Variants in ONECUT2 observed in about 807,000 individuals in gnomAD.
The protein encoded by ONECUT2 is one cut homeobox 2.
A neutral mutation model predicts 27.9 loss-of-function variants in ONECUT2; 10 were observed. That is an observed-to-expected ratio of 0.36 (90% confidence interval 0.22 to 0.61). The LOEUF (loss-of-function observed/expected upper bound fraction) is 0.61. ONECUT2 is among the 20% of genes least tolerant of loss of function. The pLI is 0.73. For synonymous variants in ONECUT2, 334 were observed against 315.1 expected, an observed-to-expected ratio of 1.06 and a Z score of -0.64; for missense variants, 686 against 721.0, an observed-to-expected ratio of 0.95 and a Z score of 0.56.
chr18:57,443,543 T>C (rs1272539445), intron 1 of ONECUT2, among the ~76,000 whole-genome samples: 1 of 152,184 alleles, frequency 6.6e-6, no homozygotes, highest in East Asian at 1.9e-4. Flanking sequence ...CACCCAGGCT[T>C]TTTCCCTAAC....
chr18:57,484,673 T>A lies in ONECUT2; in HGVS notation c.*7950T>A, dbSNP rs2050430352. ...GCCAATTACTGAACCACAGAAGCTC[T>A]GACCATTGAGTAGTTGAGCTGGAAG... On this transcript the variant is annotated 3_prime_UTR_variant, in exon 2 of 2. Transcript: ENST00000491143. 6.6e-6 allele frequency: 1 copy of A among 152,260 alleles called. No homozygotes were observed. Among genetic ancestry groups the A allele is most frequent in the Admixed American group, 6.5e-5 (1 of 15,280 alleles). The allele number at this position is 152,260 out of a possible 1,614,324, so 9.4% of individuals were successfully genotyped here.
intron 1 of ONECUT2, among the ~76,000 whole-genome samples, chr18:57,455,829 G>A (rs1006090551): frequency 5.9e-5 from 9 of 152,126 alleles, no homozygotes; most frequent in Non-Finnish European, 1.0e-4. Context: ...GGAGTTCAGG[G>A]ATTTGAACAT....
At chr18:57,462,756 A>G (rs1361961191) in intron 1 of ONECUT2, among the ~76,000 whole-genome samples, 3 of 88,426 alleles carry the variant, frequency 3.4e-5, no homozygotes, top group South Asian at 3.9e-4. Context: ...TTTGAGACAG[A>G]GTTTTGCTCT....
Position 57,486,173 on chromosome 18 carries a change from T to G in ONECUT2, c.*9450T>G, listed in dbSNP as rs2050437083. 6.5e-6 allele frequency: 1 copy of G among 152,698 alleles called. No individual in the cohort carries two copies. The highest frequency in any genetic ancestry group is 2.4e-5 in the African/African-American group (1 of 41,434). 9.5% of individuals were successfully genotyped at this position (152,698 alleles called of 1,614,324 possible). A position where few individuals can be genotyped will look rare whatever the true frequency, so the allele number is the denominator to read the frequency against. On this transcript the variant is annotated 3_prime_UTR_variant, in exon 2 of 2. Coordinates refer to ENST00000491143, the MANE Select transcript of ONECUT2 (RefSeq NM_004852.3). ...CAATCCCCCCAGCCTCATGCTTCAC[T>G]TGCAAAGTGTGACATAACCACGGGA...
At chr18:57,470,090 C>G (rs2050344990) in intron 1 of ONECUT2, among the ~76,000 whole-genome samples, 1 of 152,198 alleles carries the variant, frequency 6.6e-6, no homozygotes. Context: ...TCTATTTTTG[C>G]CCAGAAGCTT....
rs1435106699 is a variant in ONECUT2, at chr18:57,480,354, T to C, written c.*3631T>C. On this transcript the variant is annotated 3_prime_UTR_variant, in exon 2 of 2. Transcript: ENST00000491143. ...ACTTGGGTATTTCTAAAAGAGTCCT[T>C]GTGACATGTGTCCAGTGGAAATGGT... is the stretch of plus-strand genomic sequence containing the variant. 1 of 152,222 alleles carries C rather than the reference T, an allele frequency of 6.6e-6. No individual in the cohort carries two copies. Among genetic ancestry groups the C allele is most frequent in the Non-Finnish European group, 1.5e-5 (1 of 68,038 alleles). 9.4% of individuals were successfully genotyped at this position (152,222 alleles called of 1,614,324 possible). A position where few individuals can be genotyped will look rare whatever the true frequency, so the allele number is the denominator to read the frequency against.
chr18:57,468,450 C>T (rs537898979), intron 1 of ONECUT2, among the ~76,000 whole-genome samples: 62 of 152,274 alleles, frequency 4.1e-4, no homozygotes, highest in Admixed American at 1.1e-3. Flanking sequence ...TTTGGTGATG[C>T]GTCAGAAATC....
rs610610 is a variant in ONECUT2 at position 57,489,073 on chromosome 18, A to G, written c.*12350A>G. 0.96 allele frequency: 146,619 copies of G among 152,358 alleles called. 70,809 individuals are homozygous for G. The highest frequency in any genetic ancestry group is 1 in the East Asian group (5,168 of 5,168). The allele number at this position is 152,358 out of a possible 1,614,324, so 9.4% of individuals were successfully genotyped here. ...CCTTGCACACTATCCAGTCAAGGCTATTGCAGCCCATCTGGTGGCTTTACA... is the reference window on the plus strand; with the variant it reads ...CCTTGCACACTATCCAGTCAAGGCTGTTGCAGCCCATCTGGTGGCTTTACA... On this transcript the variant is annotated 3_prime_UTR_variant, in exon 2 of 2. Transcript: ENST00000491143.
At chr18:57,472,645 C>G (rs12969868) in intron 1 of ONECUT2, among the ~76,000 whole-genome samples, 10,682 of 152,114 alleles carry the variant, frequency 0.07, 830 homozygotes, top group East Asian at 0.36. Context: ...GATCTGTTCT[C>G]TCTGTGCAGT....
At position 57,443,860 on chromosome 18, in the gene ONECUT2, G is replaced by A. The variant is rs191762813; in HGVS notation, c.1228+6916G>A. On this transcript the variant is annotated intron_variant, in intron 1 of 1. Transcript: ENST00000491143. ...GCAGGGAGGCTCTGCATTCCACCTCGGCACCTCTTTCACCATTTGAGGACC... is the reference window on the plus strand; with the variant it reads ...GCAGGGAGGCTCTGCATTCCACCTCAGCACCTCTTTCACCATTTGAGGACC... 2.5e-3 allele frequency among the ~76,000 whole-genome samples: 373 copies of A among 152,228 alleles called. 1 individual carries two copies. The highest frequency in any genetic ancestry group is 4.6e-3 in the South Asian group (22 of 4,812).
In ONECUT2 at chr18:57,483,881, A is replaced by G. The variant is rs1004707746; in HGVS notation, c.*7158A>G. 1.3e-5 allele frequency: 2 copies of G among 152,642 alleles called. No homozygotes were observed. The highest frequency in any genetic ancestry group is 4.8e-5 in the African/African-American group (2 of 41,454). The allele number at this position is 152,642 out of a possible 1,614,324, so 9.5% of individuals were successfully genotyped here. ...AACTTATTTATTTAACTTATTCAGC[A>G]TCTGTGAAAGGTGCACTGTATAGTT... On this transcript the variant is annotated 3_prime_UTR_variant, in exon 2 of 2. Coordinates refer to ENST00000491143, the MANE Select transcript of ONECUT2 (RefSeq NM_004852.3).
chr18:57,459,848 C>A (rs1370513975), intron 1 of ONECUT2, among the ~76,000 whole-genome samples: 1 of 152,218 alleles, frequency 6.6e-6, no homozygotes, highest in Non-Finnish European at 1.5e-5. Context: ...CGTGAGCCAC[C>A]ATGCCCGGCC....
rs531497226 is a variant in ONECUT2 at position 57,462,818 on chromosome 18, G to A, written c.1229-13619G>A. ...CCAATCTCGGCTCACTGGAACCTCT[G>A]CCTCCCAGGTTCAAGCGATTCTCCT... On this transcript the variant is annotated intron_variant, in intron 1 of 1. Coordinates refer to ENST00000491143, the MANE Select transcript of ONECUT2 (RefSeq NM_004852.3). Among the ~76,000 whole-genome samples, 8 of 134,104 alleles carry A rather than the reference G, an allele frequency of 6.0e-5. No individual in the cohort carries two copies. The East Asian group carries it at 1.7e-3, about 29-fold the overall frequency. The allele number at this position is 134,104 out of a possible 152,430, so 88.0% of individuals were successfully genotyped here. A position where few individuals can be genotyped will look rare whatever the true frequency, so the allele number is the denominator to read the frequency against.
chr18:57,448,592 G>A (rs1469053256), intron 1 of ONECUT2, among the ~76,000 whole-genome samples: 1 of 152,306 alleles, frequency 6.6e-6, no homozygotes, highest in Non-Finnish European at 1.5e-5. Flanking sequence ...ATCTGTGGAC[G>A]TGCCTTTCTC....
At position 57,488,995 on chromosome 18, in the gene ONECUT2, G is replaced by A. The variant is rs992717842; in HGVS notation, c.*12272G>A. 1.3e-5 allele frequency: 2 copies of A among 152,356 alleles called. No homozygotes were observed. The highest frequency in any genetic ancestry group is 2.9e-5 in the Non-Finnish European group (2 of 68,134). 9.4% of individuals were successfully genotyped at this position (152,356 alleles called of 1,614,324 possible). ...GTTCATACATGAAAGGCAAGAAAAA[G>A]AAAATAGTAACCTTGAATCTTCTGT... On this transcript the variant is annotated 3_prime_UTR_variant, in exon 2 of 2. Coordinates refer to ENST00000491143, the MANE Select transcript of ONECUT2 (RefSeq NM_004852.3).
At chr18:57,440,553 G>A (rs1017583243) in intron 1 of ONECUT2, among the ~76,000 whole-genome samples, 13 of 152,234 alleles carry the variant, frequency 8.5e-5, no homozygotes, top group African/African-American at 3.1e-4. Context: ...GCTCCCAGCG[G>A]CCAGTCTGAA....
intron 1 of ONECUT2, among the ~76,000 whole-genome samples, chr18:57,464,909 T>TTATTTTCATAGAAAA (rs1262961503): frequency 9.2e-5 from 14 of 152,220 alleles, no homozygotes; most frequent in Non-Finnish European, 1.9e-4. Flanking sequence ...TGTCTTCAAG[T>TTATTTTCATAGAAAA]TATTTTCATA....
rs1454031080 is a variant in ONECUT2, at chr18:57,435,973, C to T, written c.257C>T (p.Thr86Ile). 2 of 1,429,918 alleles carry T rather than the reference C, an allele frequency of 1.4e-6. No individual in the cohort carries two copies. Among genetic ancestry groups the T allele is most frequent in the African/African-American group, 2.9e-5 (2 of 67,902 alleles). The allele number at this position is 1,429,918 out of a possible 1,614,324, so 88.6% of individuals were successfully genotyped here. A position where few individuals can be genotyped will look rare whatever the true frequency, so the allele number is the denominator to read the frequency against. Residue 86 changes from threonine (T) to isoleucine (I), a missense_variant, in exon 1 of 2, where the codon ACC (threonine) becomes ATC (isoleucine). Thr to Ile is a moderately conservative substitution (Grantham distance 89, BLOSUM62 -1). Transcript: ENST00000491143. Reference sequence around the variant, plus strand: ...CTGCGGGGCCCTCCGCCGCCTCCAACCGCGCACCAGGAGCTGGGCACGGCG... The same window carrying T: ...CTGCGGGGCCCTCCGCCGCCTCCAATCGCGCACCAGGAGCTGGGCACGGCG... ...GSLRGPPPPP[T>I]AHQELGTAAA...
At position 57,454,835 on chromosome 18, in the gene ONECUT2, G is replaced by T. The variant is rs190153365; in HGVS notation, c.1228+17891G>T. On this transcript the variant is annotated intron_variant, in intron 1 of 1. Transcript: ENST00000491143. ...CAGTTATGGACATTTTGCTAAGCTCGTGCTTAGAACCCAGAAGTTGACTGT... is the reference window on the plus strand; with the variant it reads ...CAGTTATGGACATTTTGCTAAGCTCTTGCTTAGAACCCAGAAGTTGACTGT... 3.9e-3 allele frequency among the ~76,000 whole-genome samples: 589 copies of T among 152,270 alleles called. 2 individuals carry two copies. Among genetic ancestry groups the T allele is most frequent in the Admixed American group, 5.8e-3 (88 of 15,294 alleles).
Sources: gnomAD v4.1 joint callset for allele counts (sites outside exome capture counted in the v4.1 genomes callset) on GRCh38, gnomAD v4.1.1 for gene constraint, MANE v1.5 for transcripts, NCBI Gene and HGNC (gene_info 2026-07-23, HGNC 2026-07-21) for gene names.